Variants in HTR2C observed in about 807,000 individuals in gnomAD.
HTR2C encodes 5-hydroxytryptamine (serotonin) receptor 2C, G protein-coupled.
Under a neutral mutation model 21.0 loss-of-function variants are expected in HTR2C, and 5 were observed. The observed-to-expected ratio is 0.24, with a 90% CI of 0.12 to 0.50. HTR2C has a LOEUF of 0.50. Ranked by LOEUF, HTR2C falls within the 20% of genes least tolerant of loss-of-function variation. The pLI is 0.98. For synonymous variants in HTR2C, 150 were observed against 145.3 expected (o/e 1.03, Z -0.23); for missense variants, 271 against 371.2 (o/e 0.73, Z 2.22).
At chrX:114,830,351 T>C (rs1556460250) in intron 4 of HTR2C, among the ~76,000 whole-genome samples, 1 of 111,641 alleles carries the variant, frequency 9.0e-6, no homozygotes, top group East Asian at 2.8e-4. Flanking sequence ...CGTACTAAAA[T>C]CTAAGCCAGG....
intron 2 of HTR2C, among the ~76,000 whole-genome samples, chrX:114,724,766 C>A (rs781963568): frequency 9.9e-6 from 1 of 101,122 alleles, no homozygotes; most frequent in Non-Finnish European, 2.0e-5. Flanking sequence ...ATTTGTCCTT[C>A]ACTTATGAAG....
intron 2 of HTR2C, chrX:114,652,872 C>A (rs1035202532): frequency 6.5e-5 from 11 of 168,030 alleles, no homozygotes; most frequent in Non-Finnish European, 1.4e-4. Flanking sequence ...CAGATTATTT[C>A]TCATCTGGGA....
chrX:114,855,990 T>G lies in HTR2C; in HGVS notation c.550+7787T>G, dbSNP rs2070957986. Among the ~76,000 whole-genome samples, 4 of 108,281 alleles carry G rather than the reference T, an allele frequency of 3.7e-5. No individual in the cohort carries two copies. In the Admixed American group the frequency reaches 4.0e-4, roughly 11 times the overall value. 94.0% of individuals were successfully genotyped at this position (108,281 alleles called of 115,157 possible). A position where few individuals can be genotyped will look rare whatever the true frequency, so the allele number is the denominator to read the frequency against. On this transcript the variant is annotated intron_variant, in intron 5 of 5. Coordinates refer to ENST00000276198, the MANE Select transcript of HTR2C (RefSeq NM_000868.4). ...TGTTCTATACATATTATTGAACATT[T>G]TAAATAAAGGGTATTCAATTAGGAA...
chrX:114,611,710 T>G (rs1928740580), intron 1 of HTR2C, among the ~76,000 whole-genome samples: 1 of 112,145 alleles, frequency 8.9e-6, no homozygotes, highest in Non-Finnish European at 1.9e-5. Flanking sequence ...GTTTTTTTCT[T>G]TTTTTGAGAC....
At chrX:114,858,257 A>G (rs1382024251) in intron 5 of HTR2C, among the ~76,000 whole-genome samples, 1 of 111,313 alleles carries the variant, frequency 9.0e-6, no homozygotes, top group Non-Finnish European at 1.9e-5. Flanking sequence ...TTGTTTTAAA[A>G]TTGGTATTGC....
At chrX:114,887,188 G>T (rs1164183183) in intron 5 of HTR2C, among the ~76,000 whole-genome samples, 2 of 112,056 alleles carry the variant, frequency 1.8e-5, no homozygotes, top group African/African-American at 6.5e-5. Context: ...AGGTTAGACA[G>T]GTAGTTGCTG....
intron 2 of HTR2C, among the ~76,000 whole-genome samples, chrX:114,655,401 C>T (rs1556409131): frequency 1.8e-5 from 2 of 111,453 alleles, no homozygotes; most frequent in East Asian, 2.8e-4. Context: ...ACCTTATTAT[C>T]TATTCCTAAT....
intron 1 of HTR2C, among the ~76,000 whole-genome samples, chrX:114,600,589 A>T (rs1928044996): frequency 9.0e-6 from 1 of 111,383 alleles, no homozygotes. Context: ...CACAATATTT[A>T]AAAAATATTA....
rs1423606785 is a variant in HTR2C at position 114,584,347 on chromosome X, G to T, written c.-459G>T. The T allele has an allele frequency of 1.8e-5, 2 of 113,284 alleles. No individual in the cohort carries two copies. The highest frequency in any genetic ancestry group is 3.7e-5 in the Non-Finnish European group (2 of 53,408). The allele number at this position is 113,284 out of a possible 1,213,427, so 9.3% of individuals were successfully genotyped here. A position where few individuals can be genotyped will look rare whatever the true frequency, so the allele number is the denominator to read the frequency against. On this transcript the variant is annotated 5_prime_UTR_variant, in exon 1 of 6. Transcript: ENST00000276198. Reference sequence around the variant, plus strand: ...TAGTTAGGGGCCAACGAAGAAGAAAGAAGACGCGATTAGTGCAGAGATGCT... The same window carrying T: ...TAGTTAGGGGCCAACGAAGAAGAAATAAGACGCGATTAGTGCAGAGATGCT...
chrX:114,618,807 T>C (rs1166815979), intron 2 of HTR2C, among the ~76,000 whole-genome samples: 3 of 111,757 alleles, frequency 2.7e-5, no homozygotes, highest in African/African-American at 9.7e-5. Flanking sequence ...CCCAGACAAG[T>C]AGTACATTGT....
intron 1 of HTR2C, among the ~76,000 whole-genome samples, chrX:114,590,258 T>C (rs1051393379): frequency 1.8e-5 from 2 of 112,195 alleles, no homozygotes; most frequent in Admixed American, 1.9e-4. Context: ...TTTTTAAAAG[T>C]AGGTTTTTAA....
intron 4 of HTR2C, chrX:114,775,281 C>T: frequency 1.9e-6 from 1 of 525,200 alleles, no homozygotes; most frequent in South Asian, 2.2e-5. Context: ...GTTCTCTTTT[C>T]CTACACTCTT....
Position 114,884,965 on chromosome X carries a change from G to A in HTR2C, c.551-21624G>A, listed in dbSNP as rs1465044980. ...GTTTTATGATATAGCATATAATCCA[G>A]CCTGGAGAATGTGCGAGGTGCACTT... On this transcript the variant is annotated intron_variant, in intron 5 of 5. Transcript: ENST00000276198. Among the ~76,000 whole-genome samples the A allele has an allele frequency of 2.7e-5, 3 of 110,162 alleles. No individual in the cohort carries two copies. The Admixed American group carries it at 2.9e-4, about 11-fold the overall frequency.
intron 4 of HTR2C, among the ~76,000 whole-genome samples, chrX:114,801,012 C>A (rs1210545221): frequency 1.8e-5 from 2 of 111,058 alleles, no homozygotes; most frequent in Non-Finnish European, 3.8e-5. Context: ...ACTTAGAGAG[C>A]CCATTAATAG....
intron 2 of HTR2C, among the ~76,000 whole-genome samples, chrX:114,658,613 A>G (rs1415993880): frequency 2.7e-5 from 3 of 111,405 alleles, no homozygotes; most frequent in African/African-American, 9.8e-5. Flanking sequence ...GTACTCTCCC[A>G]TAGTAAATAT....
chrX:114,762,207 A>G (rs2069886123), intron 4 of HTR2C, among the ~76,000 whole-genome samples: 3 of 109,585 alleles, frequency 2.7e-5, no homozygotes, highest in African/African-American at 9.9e-5. Context: ...TTTGCTAGAG[A>G]TTTATGCCTT....
At chrX:114,775,833 C>A in intron 4 of HTR2C, 1 of 390,685 alleles carries the variant, frequency 2.6e-6, no homozygotes. Flanking sequence ...GCTTTTTATA[C>A]AGGGCCAAGG....
At chrX:114,851,546 T>C (rs2070917938) in intron 5 of HTR2C, among the ~76,000 whole-genome samples, 1 of 111,566 alleles carries the variant, frequency 9.0e-6, no homozygotes, top group African/African-American at 3.3e-5. Flanking sequence ...TATTTGTTGG[T>C]ATTATACTGT....
At chrX:114,750,487 T>A (rs1162220744) in intron 4 of HTR2C, among the ~76,000 whole-genome samples, 2 of 112,493 alleles carry the variant, frequency 1.8e-5, no homozygotes, top group Non-Finnish European at 3.8e-5. Context: ...GAAAGTTGTG[T>A]ATAATTATTC....
Sources: gnomAD v4.1 joint callset for allele counts (sites outside exome capture counted in the v4.1 genomes callset) on GRCh38, gnomAD v4.1.1 for gene constraint, MANE v1.5 for transcripts, NCBI Gene and HGNC (gene_info 2026-07-23, HGNC 2026-07-21) for gene names.